The following DNAJC24 variants were observed in gnomAD, a reference collection of about 807,000 sequenced individuals.
The protein encoded by DNAJC24 is dnaJ homolog subfamily C member 24.
In DNAJC24, 17 loss-of-function variants were observed where a neutral mutation model predicts 18.0. That is an observed-to-expected ratio of 0.94 (90% CI 0.65 to 1.42). The LOEUF (loss-of-function observed/expected upper bound fraction) is 1.42. Ranked by LOEUF, DNAJC24 falls within the 40% of genes most tolerant of loss-of-function variation. The pLI is 0.00. For synonymous variants in DNAJC24, 55 were observed against 57.7 expected (o/e 0.95, Z 0.21); for missense variants, 158 against 175.6 (o/e 0.90, Z 0.57).
chr11:31,394,592 T>TA (rs1178025244), intron 2 of DNAJC24, among the ~76,000 whole-genome samples: 1 of 151,560 alleles, frequency 6.6e-6, no homozygotes, highest in African/African-American at 2.4e-5. Flanking sequence ...ACTCTGAAGT[T>TA]AAAAAAAAGT....
intron 3 of DNAJC24, among the ~76,000 whole-genome samples, chr11:31,420,449 T>C (rs749333629): frequency 5.3e-5 from 8 of 152,138 alleles, no homozygotes; most frequent in African/African-American, 1.2e-4. Flanking sequence ...TCAGCACTTA[T>C]AAATCCAAAG....
At chr11:31,411,473 G>A (rs949922763) in intron 2 of DNAJC24, among the ~76,000 whole-genome samples, 3 of 152,124 alleles carry the variant, frequency 2.0e-5, no homozygotes, top group African/African-American at 7.2e-5. Flanking sequence ...AATTATAACT[G>A]GGCTGAGTTC....
chr11:31,425,598 T>G (rs925829794), intron 3 of DNAJC24, among the ~76,000 whole-genome samples: 1 of 152,096 alleles, frequency 6.6e-6, no homozygotes, highest in Non-Finnish European at 1.5e-5. Flanking sequence ...TGGGTGCGTG[T>G]GGAAAGAGAT....
chr11:31,409,824 T>G (rs952919080), intron 2 of DNAJC24, among the ~76,000 whole-genome samples: 1 of 152,110 alleles, frequency 6.6e-6, no homozygotes, highest in African/African-American at 2.4e-5. Context: ...CAGCAGTATA[T>G]GAGAATTCTG....
At chr11:31,379,775 T>G (rs1952357437) in intron 2 of DNAJC24, among the ~76,000 whole-genome samples, 1 of 152,162 alleles carries the variant, frequency 6.6e-6, no homozygotes, top group African/African-American at 2.4e-5. Context: ...TTTTTTCTTT[T>G]GAGACAGAGT....
rs541220105 is a variant in DNAJC24, at chr11:31,410,030, C to T, written c.112-4781C>T. 4.7e-5 allele frequency among the ~76,000 whole-genome samples: 7 copies of T among 148,128 alleles called. No homozygotes were observed. The South Asian group carries it at 1.1e-3, about 23-fold the overall frequency. On this transcript the variant is annotated intron_variant, in intron 2 of 4. Coordinates refer to ENST00000465995, the MANE Select transcript of DNAJC24 (RefSeq NM_181706.5). ...TCCTGGGTAGCTGGGACTACTGGTG[C>T]GTGCCACCACACCTGGCTAATTTTT... is the stretch of plus-strand genomic sequence containing the variant.
intron 2 of DNAJC24, among the ~76,000 whole-genome samples, chr11:31,388,291 G>A (rs975927169): frequency 1.3e-5 from 2 of 152,002 alleles, no homozygotes; most frequent in African/African-American, 2.4e-5. Flanking sequence ...AGATTTAACC[G>A]AAATAAGACT....
rs543937526 is a variant in DNAJC24 at position 31,430,524 on chromosome 11, A to G, written c.*123A>G. On this transcript the variant is annotated 3_prime_UTR_variant, in exon 5 of 5. Transcript: ENST00000465995. ...CGATTATTTGCAAAGAAAATATACA[A>G]TTATCAAGCAGAGACCACCTCAGAT... 25 of 730,902 alleles carry G rather than the reference A, an allele frequency of 3.4e-5. No homozygotes were observed. In the Admixed American group the frequency reaches 3.5e-4, roughly 10 times the overall value. 45.3% of individuals were successfully genotyped at this position (730,902 alleles called of 1,614,324 possible). A position where few individuals can be genotyped will look rare whatever the true frequency, so the allele number is the denominator to read the frequency against.
chr11:31,428,779 T>G (rs1952890419), intron 4 of DNAJC24, among the ~76,000 whole-genome samples: 1 of 152,230 alleles, frequency 6.6e-6, no homozygotes, highest in Non-Finnish European at 1.5e-5. Context: ...TGATGATTTC[T>G]GTAAAAGTTA....
intron 2 of DNAJC24, among the ~76,000 whole-genome samples, chr11:31,396,567 G>A (rs1007561055): frequency 1.3e-5 from 2 of 152,016 alleles, no homozygotes; most frequent in Admixed American, 6.6e-5. Flanking sequence ...TCTGACTCCC[G>A]CCTTTGATCT....
Position 31,396,107 on chromosome 11 carries a change from A to G in DNAJC24, c.112-18704A>G, listed in dbSNP as rs533646401. ...TCCATTTCACCACTGACAGTCTTCT[A>G]AACGGTGACTACCGAAGTGGCCAGT... is the stretch of plus-strand genomic sequence containing the variant. On this transcript the variant is annotated intron_variant, in intron 2 of 4. Transcript: ENST00000465995. 3.9e-5 allele frequency among the ~76,000 whole-genome samples: 6 copies of G among 152,348 alleles called. No homozygotes were observed. The East Asian group carries it at 1.2e-3, about 29-fold the overall frequency.
intron 4 of DNAJC24, chr11:31,429,725 C>A: frequency 5.7e-6 from 1 of 174,344 alleles, no homozygotes; most frequent in Non-Finnish European, 1.3e-5. Flanking sequence ...AAAACAACAA[C>A]AACATGGTGT....
chr11:31,429,663 G>C (rs1380785214), intron 4 of DNAJC24: 3 of 218,820 alleles, frequency 1.4e-5, no homozygotes, highest in African/African-American at 6.8e-5. Flanking sequence ...GTTGGTTCAT[G>C]TATCATTTGT....
chr11:31,389,505 T>C (rs983785937), intron 2 of DNAJC24, among the ~76,000 whole-genome samples: 7 of 152,206 alleles, frequency 4.6e-5, no homozygotes, highest in Non-Finnish European at 2.9e-5. Context: ...CAGCCAGATA[T>C]ATAAAGCAAA....
chr11:31,431,837 A>T lies in DNAJC24; in HGVS notation c.*1436A>T, dbSNP rs1403019571. ...TCAAAAAAAATAAAATAAAATAAAT[A>T]AAAAAAGATATAGTATTAATGCCTG... is the stretch of plus-strand genomic sequence containing the variant. On this transcript the variant is annotated 3_prime_UTR_variant, in exon 5 of 5. Transcript: ENST00000465995. 6.6e-6 allele frequency: 1 copy of T among 151,998 alleles called. No individual in the cohort carries two copies. 9.4% of individuals were successfully genotyped at this position (151,998 alleles called of 1,614,324 possible).
At chr11:31,371,499 T>C (rs568647193) in intron 2 of DNAJC24, among the ~76,000 whole-genome samples, 2 of 152,340 alleles carry the variant, frequency 1.3e-5, no homozygotes, top group East Asian at 3.9e-4. Context: ...CTCATCTTTT[T>C]ATACATACTG....
intron 2 of DNAJC24, among the ~76,000 whole-genome samples, chr11:31,392,714 T>C (rs987594520): frequency 3.3e-5 from 5 of 150,100 alleles, no homozygotes; most frequent in Non-Finnish European, 5.9e-5. Flanking sequence ...ATTTTCTTTT[T>C]TTTTTTTTTT....
intron 3 of DNAJC24, among the ~76,000 whole-genome samples, chr11:31,423,197 A>C (rs1315527528): frequency 6.6e-6 from 1 of 152,216 alleles, no homozygotes; most frequent in Non-Finnish European, 1.5e-5. Context: ...CATAAATCTA[A>C]GTGTGTAGCT....
chr11:31,411,892 A>G (rs1164285798), intron 2 of DNAJC24, among the ~76,000 whole-genome samples: 2 of 152,134 alleles, frequency 1.3e-5, no homozygotes, highest in African/African-American at 2.4e-5. Context: ...TTAGACCTTC[A>G]CTTTGCTCTG....
Sources: gnomAD v4.1 joint callset for allele counts (sites outside exome capture counted in the v4.1 genomes callset) on GRCh38, gnomAD v4.1.1 for gene constraint, MANE v1.5 for transcripts, NCBI Gene and HGNC (gene_info 2026-07-23, HGNC 2026-07-21) for gene names.